TNFRSF11A: variants seen among roughly 807,000 people sequenced by gnomAD.
TNFRSF11A encodes TNF receptor superfamily member 11a.
Under a neutral mutation model 55.7 loss-of-function variants are expected in TNFRSF11A, and 32 were observed. The ratio of observed to expected loss-of-function variants is 0.57; its 90% confidence interval spans 0.43 to 0.77. The LOEUF is 0.77. TNFRSF11A is among the 30% of genes least tolerant of loss of function. TNFRSF11A has a pLI of 0.00. For synonymous variants in TNFRSF11A, 311 were observed against 331.0 expected (o/e 0.94, Z 0.65); for missense variants, 753 against 809.8 (o/e 0.93, Z 0.85).
rs370523357 is a variant in TNFRSF11A, at chr18:62,389,519, G to A, written c.*4485G>A. On this transcript the variant is annotated 3_prime_UTR_variant, in exon 10 of 10. Transcript: ENST00000586569. The stretch of plus-strand genomic sequence containing the variant: ...CAAGGTTTCAACAAAGAGGAGGACC[G>A]AATAAATGTCCCAGTGGGCAGGCAC... 4 of 152,250 alleles carry A rather than the reference G, an allele frequency of 2.6e-5. No homozygotes were observed. Among genetic ancestry groups the A allele is most frequent in the Non-Finnish European group, 5.9e-5 (4 of 68,108 alleles). 9.4% of individuals were successfully genotyped at this position (152,250 alleles called of 1,614,324 possible).
chr18:62,376,253 T>C (rs1199099975), intron 9 of TNFRSF11A, among the ~76,000 whole-genome samples: 1 of 152,026 alleles, frequency 6.6e-6, no homozygotes, highest in Non-Finnish European at 1.5e-5. Flanking sequence ...GGAGAGCCTT[T>C]TCTTCCACAT....
chr18:62,361,644 C>A, intron 6 of TNFRSF11A, 36 bp from the exon 7 acceptor site: 1 of 1,560,048 alleles, frequency 6.4e-7, no homozygotes, highest in Non-Finnish European at 8.8e-7. Context: ...ATTAAAGAAT[C>A]TTTACTACCA....
chr18:62,371,386 T>G (rs1056620550), intron 9 of TNFRSF11A, among the ~76,000 whole-genome samples: 1 of 152,228 alleles, frequency 6.6e-6, no homozygotes. Flanking sequence ...CACATGGATC[T>G]TTTAATGCCA....
In TNFRSF11A at chr18:62,388,024, G is replaced by A. The variant is rs1051776185; in HGVS notation, c.*2990G>A. On this transcript the variant is annotated 3_prime_UTR_variant, in exon 10 of 10. Transcript: ENST00000586569. ...CTGGCTACTCAGGAGGCTGAGGCAG[G>A]AGGATGCTTGAGTCCAGGAGTTCAA... 1.2e-4 allele frequency: 18 copies of A among 152,440 alleles called. No homozygotes were observed. The highest frequency in any genetic ancestry group is 4.3e-4 in the African/African-American group (18 of 41,448). The allele number at this position is 152,440 out of a possible 1,614,324, so 9.4% of individuals were successfully genotyped here.
intron 3 of TNFRSF11A, among the ~76,000 whole-genome samples, chr18:62,351,002 C>CT (rs71160826): frequency 0.031 from 3,755 of 122,688 alleles, 161 homozygotes; most frequent in South Asian, 0.09. Flanking sequence ...TTTTTTCTTT[C>CT]TTTTTTTTTT....
Position 62,326,580 on chromosome 18 carries a change from G to A in TNFRSF11A, c.75+1153G>A, listed in dbSNP as rs148336072. 2.1e-3 allele frequency among the ~76,000 whole-genome samples: 322 copies of A among 152,324 alleles called. 2 individuals are homozygous for A. Among genetic ancestry groups the A allele is most frequent in the African/African-American group, 7.3e-3 (303 of 41,574 alleles). The stretch of plus-strand genomic sequence containing the variant: ...GGACCAGGGTTTCAGCGAACAGCTA[G>A]CCACCTAAGAAAAACCTGCCTGACC... On this transcript the variant is annotated intron_variant, in intron 1 of 9. Transcript: ENST00000586569.
chr18:62,326,849 C>T (rs934234126), intron 1 of TNFRSF11A, among the ~76,000 whole-genome samples: 28 of 152,100 alleles, frequency 1.8e-4, no homozygotes, highest in Admixed American at 1.4e-3. Context: ...TTCTAGGAAC[C>T]TTATGAATTC....
At chr18:62,335,568 G>A (rs1399565914) in intron 1 of TNFRSF11A, among the ~76,000 whole-genome samples, 2 of 152,230 alleles carry the variant, frequency 1.3e-5, no homozygotes, top group Admixed American at 6.5e-5. Flanking sequence ...AGGCCTCATG[G>A]GAGGCTCTCC....
At chr18:62,346,843 T>C (rs1159854203) in intron 1 of TNFRSF11A, among the ~76,000 whole-genome samples, 2 of 152,170 alleles carry the variant, frequency 1.3e-5, no homozygotes, top group African/African-American at 4.8e-5. Flanking sequence ...AGCACTTTCA[T>C]ATGCAGATGA....
chr18:62,357,117 C>A (rs1488783441), intron 4 of TNFRSF11A, among the ~76,000 whole-genome samples: 1 of 152,134 alleles, frequency 6.6e-6, no homozygotes, highest in East Asian at 1.9e-4. Flanking sequence ...ACCTAGCCAG[C>A]CAAATTGCAG....
chr18:62,369,236 C>T lies in TNFRSF11A; in HGVS notation c.1319C>T (p.Pro440Leu), dbSNP rs773622232. 3 of 1,613,576 alleles carry T rather than the reference C, an allele frequency of 1.9e-6. No homozygotes were observed. The highest frequency in any genetic ancestry group is 1.7e-6 in the Non-Finnish European group (2 of 1,180,036). Residue 440 changes from proline (P) to leucine (L), a missense_variant, in exon 9 of 10, where the codon CCC (proline) becomes CTC (leucine). Transcript: ENST00000586569. ...HCPHWAASPS[P>L]NWADVCTGCR... Reference sequence around the variant, plus strand: ...CCGCACTGGGCAGCCAGCCCCAGCCCCAACTGGGCAGATGTCTGCACAGGC... The same window carrying T: ...CCGCACTGGGCAGCCAGCCCCAGCCTCAACTGGGCAGATGTCTGCACAGGC...
chr18:62,369,217 T>C lies in TNFRSF11A; in HGVS notation c.1300T>C (p.Trp434Arg). 1.2e-6 allele frequency: 2 copies of C among 1,613,860 alleles called. No individual in the cohort carries two copies. Among genetic ancestry groups the C allele is most frequent in the Non-Finnish European group, 1.7e-6 (2 of 1,180,028 alleles). Residue 434 changes from tryptophan (W) to arginine (R), a missense_variant, in exon 9 of 10, where the codon TGG (tryptophan) becomes CGG (arginine). By Grantham distance (101) the Trp-to-Arg change is moderately radical. This residue lies in a region of TNFRSF11A where 567 missense variants were observed against 596.7 expected (regional missense o/e 0.95). Coordinates refer to ENST00000586569, the MANE Select transcript of TNFRSF11A (RefSeq NM_003839.4). ...GGTGGACAGTGGCCATTGCCCGCAC[T>C]GGGCAGCCAGCCCCAGCCCCAACTG... ...KEVDSGHCPH[W>R]AASPSPNWAD... is the part of the protein sequence containing the mutation.
At chr18:62,350,616 G>A (rs1600378674) in intron 3 of TNFRSF11A, among the ~76,000 whole-genome samples, 1 of 152,086 alleles carries the variant, frequency 6.6e-6, no homozygotes, top group South Asian at 2.1e-4. Context: ...ATTGAGAAAC[G>A]GAGATTCAGA....
At chr18:62,330,252 G>C (rs571562555) in intron 1 of TNFRSF11A, among the ~76,000 whole-genome samples, 1 of 152,206 alleles carries the variant, frequency 6.6e-6, no homozygotes, top group African/African-American at 2.4e-5. Context: ...TCAACTTGTC[G>C]TGGGCACACA....
chr18:62,361,472 G>A lies in TNFRSF11A; in HGVS notation c.617-208G>A, dbSNP rs114717152. On this transcript the variant is annotated intron_variant, in intron 6 of 9. Coordinates refer to ENST00000586569, the MANE Select transcript of TNFRSF11A (RefSeq NM_003839.4). ...GCTGCTCTCCCGTAGAGTGAAACCG[G>A]ACTGAGCAGGGCTGGCTGAGATTGT... 5.5e-3 allele frequency among the ~76,000 whole-genome samples: 835 copies of A among 152,272 alleles called. 7 individuals are homozygous for A. Among genetic ancestry groups the A allele is most frequent in the African/African-American group, 0.019 (806 of 41,542 alleles).
At chr18:62,347,678 C>T (rs1053212511) in intron 1 of TNFRSF11A, among the ~76,000 whole-genome samples, 3 of 151,952 alleles carry the variant, frequency 2.0e-5, no homozygotes, top group African/African-American at 4.8e-5. Context: ...TTTGGGAGGC[C>T]GAGGCGGGTG....
chr18:62,355,275 ATTTT>A lies in TNFRSF11A; in HGVS notation c.427+742_427+745del, dbSNP rs1909173453. ...ATGCACCTATTTGAAATCTTTATTT[ATTTT>A]ATTTATTTTTTTTTTGAGATGGAGT... On this transcript the variant is annotated intron_variant, in intron 4 of 9. Transcript: ENST00000586569. Among the ~76,000 whole-genome samples the A allele has an allele frequency of 1.3e-5, 2 of 151,764 alleles. 1 individual carries two copies. The highest frequency in any genetic ancestry group is 4.2e-4 in the South Asian group (2 of 4,800).
chr18:62,343,053 A>G (rs970655803), intron 1 of TNFRSF11A, among the ~76,000 whole-genome samples: 3 of 152,172 alleles, frequency 2.0e-5, no homozygotes, highest in African/African-American at 7.2e-5. Flanking sequence ...ACTTTCTTTA[A>G]AGATATTTTT....
Position 62,384,802 on chromosome 18 carries a change from T to G in TNFRSF11A, c.1619T>G (p.Met540Arg). The G allele has an allele frequency of 6.2e-7, 1 of 1,612,804 alleles. No individual in the cohort carries two copies. The highest frequency in any genetic ancestry group is 2.2e-5 in the East Asian group (1 of 44,820). ...ACGTTCATCTCCAGCGGGCAGGTGATGAACTTCAAGGGCGACATCATCGTG... is the reference window on the plus strand; with the variant it reads ...ACGTTCATCTCCAGCGGGCAGGTGAGGAACTTCAAGGGCGACATCATCGTG... ...NSTFISSGQVMNFKGDIIVVY... is the reference protein window; with the variant it reads ...NSTFISSGQVRNFKGDIIVVY... Residue 540 changes from methionine (M) to arginine (R), a missense_variant, in exon 10 of 10, where the codon ATG becomes AGG. Coordinates refer to ENST00000586569, the MANE Select transcript of TNFRSF11A (RefSeq NM_003839.4).
Sources: gnomAD v4.1 joint callset for allele counts (sites outside exome capture counted in the v4.1 genomes callset) on GRCh38, gnomAD v4.1.1 for gene constraint, gnomAD v4.1.1 regional missense constraint, MANE v1.5 for transcripts, NCBI Gene and HGNC (gene_info 2026-07-23, HGNC 2026-07-21) for gene names.